Variants in MACROD2 observed in about 807,000 individuals in gnomAD.
MACROD2 encodes mono-ADP ribosylhydrolase 2.
In MACROD2, 36 loss-of-function variants were observed where a neutral mutation model predicts 70.4. The observed-to-expected ratio is 0.51, with a 90% CI of 0.39 to 0.68. The LOEUF (loss-of-function observed/expected upper bound fraction) is 0.68. Among genes scored for constraint, MACROD2 ranks in the 30% least tolerant of loss-of-function variants. The pLI, the probability that MACROD2 is intolerant of heterozygous loss-of-function variation, is 0.00. For synonymous variants in MACROD2, 172 were observed against 178.8 expected (o/e 0.96, Z 0.30); for missense variants, 496 against 538.4 (o/e 0.92, Z 0.78).
At chr20:15,213,573 G>C (rs1444857146) in intron 5 of MACROD2, among the ~76,000 whole-genome samples, 1 of 152,104 alleles carries the variant, frequency 6.6e-6, no homozygotes, top group Non-Finnish European at 1.5e-5. Context: ...CATGGAGTAA[G>C]TCACGTCCAT....
At chr20:15,557,133 T>G (rs913156130) in intron 8 of MACROD2, among the ~76,000 whole-genome samples, 3 of 152,050 alleles carry the variant, frequency 2.0e-5, no homozygotes, top group African/African-American at 7.2e-5. Flanking sequence ...GCAGTAAAAT[T>G]CACTTCTCTG....
At chr20:15,748,447 TCTC>T (rs1308560571) in intron 8 of MACROD2, among the ~76,000 whole-genome samples, 4 of 152,084 alleles carry the variant, frequency 2.6e-5, no homozygotes, top group African/African-American at 9.6e-5. Flanking sequence ...ACAGAAAACT[TCTC>T]TATTATCCCC....
intron 6 of MACROD2, among the ~76,000 whole-genome samples, chr20:15,233,180 A>G (rs917658586): frequency 6.6e-6 from 1 of 152,160 alleles, no homozygotes; most frequent in Non-Finnish European, 1.5e-5. Context: ...TTAGGATGTT[A>G]AGGCATTGTT....
At chr20:14,127,073 C>T (rs2054660988) in intron 3 of MACROD2, among the ~76,000 whole-genome samples, 1 of 152,130 alleles carries the variant, frequency 6.6e-6, no homozygotes, top group Non-Finnish European at 1.5e-5. Context: ...AAAATGAGGC[C>T]TCTTGCTCCA....
intron 5 of MACROD2, among the ~76,000 whole-genome samples, chr20:14,938,649 C>G (rs1447929234): frequency 6.6e-6 from 1 of 152,020 alleles, no homozygotes; most frequent in Non-Finnish European, 1.5e-5. Context: ...GGCTTGATGG[C>G]AGGTGCCTGT....
intron 3 of MACROD2, among the ~76,000 whole-genome samples, chr20:14,234,893 G>T (rs1344610610): frequency 2.0e-5 from 3 of 152,120 alleles, no homozygotes; most frequent in African/African-American, 7.2e-5. Context: ...TGGATATACA[G>T]AGCACTTAAA....
At chr20:15,674,199 G>A (rs2050023451) in intron 8 of MACROD2, among the ~76,000 whole-genome samples, 1 of 152,108 alleles carries the variant, frequency 6.6e-6, no homozygotes, top group African/African-American at 2.4e-5. Context: ...TACAAAATAT[G>A]GTAAGACCAT....
chr20:14,998,961 C>G (rs1018075428), intron 5 of MACROD2, among the ~76,000 whole-genome samples: 1 of 152,182 alleles, frequency 6.6e-6, no homozygotes, highest in African/African-American at 2.4e-5. Context: ...CCTTACAGGC[C>G]AGGAGAGAGT....
In MACROD2 at chr20:14,684,648, ACCC is replaced by A. The variant is rs11467642; in HGVS notation, c.302-185_302-183del. Among the ~76,000 whole-genome samples the A allele has an allele frequency of 8.2e-5, 11 of 134,848 alleles. 1 individual carries two copies. The highest frequency in any genetic ancestry group is 6.0e-4 in the Admixed American group (8 of 13,328). 88.5% of individuals were successfully genotyped at this position (134,848 alleles called of 152,430 possible). On this transcript the variant is annotated intron_variant, in intron 4 of 17. Coordinates refer to ENST00000684519, the MANE Select transcript of MACROD2 (RefSeq NM_001351661.2). ...CTACTTCTGTTCACCACATAACCTC[ACCC>A]CCCCCCCCCGGCCCCCGCCAACACA...
rs572072101 is a variant in MACROD2, at chr20:15,200,847, G to T, written c.419-29093G>T. On this transcript the variant is annotated intron_variant, in intron 5 of 17. Transcript: ENST00000684519. ...TCAGTGGGCCTGAGATTCTGCATTT[G>T]TAACAAGCTCTCAGGAGATGCCCCT... Among the ~76,000 whole-genome samples the T allele has an allele frequency of 4.6e-5, 7 of 152,274 alleles. No homozygotes were observed. The South Asian group carries it at 1.5e-3, about 32-fold the overall frequency.
At chr20:15,175,893 G>A (rs1355410760) in intron 5 of MACROD2, among the ~76,000 whole-genome samples, 2 of 152,170 alleles carry the variant, frequency 1.3e-5, no homozygotes, top group African/African-American at 2.4e-5. Flanking sequence ...GTGTTCCTGG[G>A]TGCAACAGCA....
At chr20:15,640,336 T>G (rs1322888389) in intron 8 of MACROD2, among the ~76,000 whole-genome samples, 1 of 151,242 alleles carries the variant, frequency 6.6e-6, no homozygotes, top group Non-Finnish European at 1.5e-5. Context: ...GAGAGAGAGA[T>G]GGTGATGGAG....
intron 2 of MACROD2, among the ~76,000 whole-genome samples, chr20:14,051,056 A>G (rs2053560433): frequency 6.6e-6 from 1 of 152,206 alleles, no homozygotes; most frequent in African/African-American, 2.4e-5. Flanking sequence ...GTCAAGATAT[A>G]TTAAGTGAAG....
chr20:14,862,588 AAT>A lies in MACROD2; in HGVS notation c.418+177639_418+177640del, dbSNP rs1285949463. On this transcript the variant is annotated intron_variant, in intron 5 of 17. Transcript: ENST00000684519. ...AAATATATATAAATATATATGTATAAATATATATATAAATATAAATATATATA... is the reference window on the plus strand; with the variant it reads ...AAATATATATAAATATATATGTATAAATATATATAAATATAAATATATATA... 3.4e-3 allele frequency among the ~76,000 whole-genome samples: 143 copies of A among 42,500 alleles called. 7 individuals are homozygous for A. The highest frequency in any genetic ancestry group is 0.019 in the Admixed American group (39 of 2,002). The allele number at this position is 42,500 out of a possible 152,430, so 27.9% of individuals were successfully genotyped here. A position where few individuals can be genotyped will look rare whatever the true frequency, so the allele number is the denominator to read the frequency against.
intron 7 of MACROD2, among the ~76,000 whole-genome samples, chr20:15,441,016 T>C (rs1172573874): frequency 6.6e-6 from 1 of 152,152 alleles, no homozygotes; most frequent in African/African-American, 2.4e-5. Flanking sequence ...CTTGGGAAAA[T>C]GCAGTGCTGG....
At chr20:15,687,615 C>T (rs535941196) in intron 8 of MACROD2, among the ~76,000 whole-genome samples, 65 of 152,246 alleles carry the variant, frequency 4.3e-4, no homozygotes, top group African/African-American at 1.5e-3. Flanking sequence ...CCAGTGCTCC[C>T]TGGGACCACA....
At chr20:15,087,859 C>T (rs2075760359) in intron 5 of MACROD2, among the ~76,000 whole-genome samples, 1 of 151,686 alleles carries the variant, frequency 6.6e-6, no homozygotes, top group Non-Finnish European at 1.5e-5. Context: ...GATATCTTTT[C>T]TAGGTAATAT....
intron 3 of MACROD2, among the ~76,000 whole-genome samples, chr20:14,207,434 A>G (rs1234966425): frequency 6.6e-6 from 1 of 152,174 alleles, no homozygotes; most frequent in East Asian, 1.9e-4. Flanking sequence ...AGGGAAGAAT[A>G]AAAGGAAAGT....
chr20:14,125,937 A>T (rs1012759551), intron 3 of MACROD2, among the ~76,000 whole-genome samples: 2 of 152,202 alleles, frequency 1.3e-5, no homozygotes, highest in African/African-American at 4.8e-5. Flanking sequence ...CTTCTGAAAT[A>T]TTCAACATCT....
Sources: gnomAD v4.1 joint callset for allele counts (sites outside exome capture counted in the v4.1 genomes callset) on GRCh38, gnomAD v4.1.1 for gene constraint, MANE v1.5 for transcripts, NCBI Gene and HGNC (gene_info 2026-07-23, HGNC 2026-07-21) for gene names.